CADM2: variants seen among roughly 807,000 people sequenced by gnomAD.
CADM2 encodes the protein immunoglobulin superfamily member 4D.
Under a neutral mutation model 49.8 loss-of-function variants are expected in CADM2, and 12 were observed. The observed-to-expected ratio is 0.24, with a 90% CI of 0.15 to 0.39. The LOEUF is 0.39. Among genes scored for constraint, CADM2 ranks in the 10% least tolerant of loss-of-function variants. The pLI is 1.00. For missense variants in CADM2, 378 were observed against 492.3 expected (o/e 0.77, Z 2.20); for synonymous variants, 214 against 175.4 (o/e 1.22, Z -1.74).
intron 1 of CADM2, among the ~76,000 whole-genome samples, chr3:85,705,163 G>A (rs1207779308): frequency 2.0e-5 from 3 of 148,900 alleles, no homozygotes; most frequent in Non-Finnish European, 4.4e-5. Context: ...AGTGCATCCC[G>A]CCCCCTTCTT....
At chr3:86,040,340 A>T (rs1274526809) in intron 8 of CADM2, among the ~76,000 whole-genome samples, 1 of 152,158 alleles carries the variant, frequency 6.6e-6, no homozygotes, top group Non-Finnish European at 1.5e-5. Context: ...CTTGAAAAAA[A>T]ATTAGATGAA....
chr3:85,676,591 A>G (rs2065892555), intron 1 of CADM2, among the ~76,000 whole-genome samples: 1 of 152,122 alleles, frequency 6.6e-6, no homozygotes, highest in African/African-American at 2.4e-5. Context: ...ATTACATAGG[A>G]CCTTCTATTT....
intron 1 of CADM2, among the ~76,000 whole-genome samples, chr3:85,419,430 C>T (rs1307706972): frequency 6.7e-6 from 1 of 150,088 alleles, no homozygotes; most frequent in African/African-American, 2.5e-5. Context: ...TGCACTCCAG[C>T]CTGGGCGACA....
intron 6 of CADM2, among the ~76,000 whole-genome samples, chr3:85,922,328 A>G (rs1340481514): frequency 6.6e-6 from 1 of 151,908 alleles, no homozygotes; most frequent in Non-Finnish European, 1.5e-5. Context: ...AGTATATTAA[A>G]CTTTATTAAT....
intron 1 of CADM2, among the ~76,000 whole-genome samples, chr3:85,093,623 A>C (rs2037683785): frequency 6.6e-6 from 1 of 152,210 alleles, no homozygotes. Flanking sequence ...TCAAATTTAG[A>C]AAATATTTTT....
intron 1 of CADM2, among the ~76,000 whole-genome samples, chr3:85,523,504 G>T (rs541769359): frequency 1.5e-3 from 221 of 152,090 alleles, no homozygotes; most frequent in African/African-American, 5.2e-3. Flanking sequence ...AAAATATTTG[G>T]CTGGAAAACT....
chr3:85,377,868 C>T (rs1420562176), intron 1 of CADM2, among the ~76,000 whole-genome samples: 3 of 151,926 alleles, frequency 2.0e-5, no homozygotes, highest in African/African-American at 7.2e-5. Flanking sequence ...ATGCGAATTA[C>T]CATCAGAAAA....
intron 1 of CADM2, among the ~76,000 whole-genome samples, chr3:84,960,811 A>G (rs1400199186): frequency 6.6e-6 from 1 of 152,152 alleles, no homozygotes; most frequent in African/African-American, 2.4e-5. Flanking sequence ...ATAAATGGCA[A>G]TGCATAGTAC....
chr3:85,894,601 C>T (rs1714961340), intron 5 of CADM2, among the ~76,000 whole-genome samples: 1 of 152,238 alleles, frequency 6.6e-6, no homozygotes, highest in Middle Eastern at 3.4e-3. Flanking sequence ...AAAATGTCTC[C>T]AGGGCATGTC....
intron 1 of CADM2, chr3:84,960,534 CTAAGA>C (rs2030399850): frequency 2.0e-5 from 3 of 151,472 alleles, no homozygotes; most frequent in Non-Finnish European, 4.4e-5. Flanking sequence ...TACTTTACTG[CTAAGA>C]TATTTTCACT....
intron 1 of CADM2, among the ~76,000 whole-genome samples, chr3:85,666,240 T>A (rs766915002): frequency 6.6e-6 from 1 of 151,932 alleles, no homozygotes; most frequent in South Asian, 2.1e-4. Context: ...GGAAATAAGA[T>A]AGGACACAAA....
chr3:85,884,595 A>G (rs950232582), intron 4 of CADM2, among the ~76,000 whole-genome samples: 1 of 152,292 alleles, frequency 6.6e-6, no homozygotes, highest in East Asian at 1.9e-4. Context: ...AGATTTTTTA[A>G]AAAGAAAGCA....
chr3:86,003,289 T>A (rs1188934908), intron 8 of CADM2, among the ~76,000 whole-genome samples: 1 of 152,186 alleles, frequency 6.6e-6, no homozygotes, highest in Non-Finnish European at 1.5e-5. Flanking sequence ...ATTTTCCCCA[T>A]GGGACTTGGG....
At chr3:86,053,118 C>A (rs193029432) in intron 8 of CADM2, among the ~76,000 whole-genome samples, 2 of 152,208 alleles carry the variant, frequency 1.3e-5, no homozygotes, top group East Asian at 1.9e-4. Flanking sequence ...TTTGATAAAA[C>A]CTTCTTCCAA....
chr3:85,087,461 T>C (rs1279131481), intron 1 of CADM2, among the ~76,000 whole-genome samples: 1 of 152,212 alleles, frequency 6.6e-6, no homozygotes, highest in East Asian at 1.9e-4. Context: ...TTATACATTT[T>C]ACTTATTAAT....
Position 84,959,524 on chromosome 3 carries a change from C to T in CADM2, c.-84C>T. 7.5e-7 allele frequency: 1 copy of T among 1,334,138 alleles called. No homozygotes were observed. The highest frequency in any genetic ancestry group is 2.0e-5 in the Admixed American group (1 of 49,616). 82.6% of individuals were successfully genotyped at this position (1,334,138 alleles called of 1,614,324 possible). A position where few individuals can be genotyped will look rare whatever the true frequency, so the allele number is the denominator to read the frequency against. On this transcript the variant is annotated 5_prime_UTR_variant, in exon 1 of 10. Transcript: ENST00000383699. ...CCGGCGGGCGCCGGGAGGAGGACAC[C>T]AGCGGAGCCCTGCACTCTCGTGCCC...
chr3:85,625,325 C>T (rs187513200), intron 1 of CADM2, among the ~76,000 whole-genome samples: 1 of 151,838 alleles, frequency 6.6e-6, no homozygotes, highest in African/African-American at 2.4e-5. Context: ...TTTAAAATAC[C>T]TTCTACTACG....
At chr3:85,991,837 G>C (rs919797484) in intron 8 of CADM2, among the ~76,000 whole-genome samples, 24 of 151,888 alleles carry the variant, frequency 1.6e-4, no homozygotes, top group African/African-American at 5.8e-4. Context: ...ATTATCATTT[G>C]CTATCATTGA....
chr3:85,917,600 G>A (rs1158814231), intron 6 of CADM2, among the ~76,000 whole-genome samples: 17 of 152,154 alleles, frequency 1.1e-4, no homozygotes, highest in South Asian at 2.1e-4. Context: ...GTCAGGTAGC[G>A]TGATGCCTCC....
Sources: gnomAD v4.1 joint callset for allele counts (sites outside exome capture counted in the v4.1 genomes callset) on GRCh38, gnomAD v4.1.1 for gene constraint, MANE v1.5 for transcripts, NCBI Gene and HGNC (gene_info 2026-07-23, HGNC 2026-07-21) for gene names.